LSP1: variants seen among roughly 807,000 people sequenced by gnomAD.
LSP1 encodes lymphocyte-specific protein 1.
A neutral mutation model predicts 49.3 loss-of-function variants in LSP1; 32 were observed. That is an observed-to-expected ratio of 0.65 (90% confidence interval 0.49 to 0.87). The LOEUF is 0.87. Ranked by LOEUF, LSP1 falls within the 40% of genes least tolerant of loss-of-function variation. The pLI is 0.00. For missense variants in LSP1, 428 were observed against 442.6 expected (o/e 0.97, Z 0.30); for synonymous variants, 179 against 178.8 (o/e 1.00, Z -0.01).
chr11:1,855,236 G>C (rs186922176), intron 1 of LSP1, among the ~76,000 whole-genome samples: 2 of 152,324 alleles, frequency 1.3e-5, no homozygotes, highest in East Asian at 3.9e-4. Context: ...TCCTGTCTAG[G>C]ATGGGACAGA....
intron 10 of LSP1, chr11:1,890,681 G>T: frequency 1.6e-6 from 1 of 630,720 alleles, no homozygotes; most frequent in South Asian, 1.8e-5. Context: ...GAGGACCTGG[G>T]GCCAGGGGTG....
chr11:1,881,646 G>A (rs1459137050), intron 3 of LSP1, 50 bp downstream of exon 3: 1 of 1,409,868 alleles, frequency 7.1e-7, no homozygotes, highest in Admixed American at 3.0e-5. Flanking sequence ...GGCTCCCTCT[G>A]GACCTCGAGG....
At chr11:1,880,339 C>T (rs1241566133) in intron 2 of LSP1, 115 bp downstream of exon 2, 74 of 1,257,672 alleles carry the variant, frequency 5.9e-5, no homozygotes, top group Non-Finnish European at 7.2e-5. Flanking sequence ...AGGATGAGAG[C>T]GAGGAAGGGC....
chr11:1,874,491 G>T (rs900026393), intron 1 of LSP1, among the ~76,000 whole-genome samples: 6 of 152,178 alleles, frequency 3.9e-5, no homozygotes, highest in African/African-American at 1.4e-4. Context: ...GGTGGGGTGG[G>T]CTCTGGACCC....
intron 1 of LSP1, among the ~76,000 whole-genome samples, chr11:1,871,929 G>T (rs1372720884): frequency 2.0e-3 from 165 of 82,078 alleles, no homozygotes; most frequent in African/African-American, 2.6e-3. Flanking sequence ...TGGGAGGGGG[G>T]GTGTGTGGCG....
At chr11:1,858,070 T>A (rs538576101) in intron 1 of LSP1, among the ~76,000 whole-genome samples, 1 of 152,348 alleles carries the variant, frequency 6.6e-6, no homozygotes, top group African/African-American at 2.4e-5. Flanking sequence ...CCAAGCTTTT[T>A]AAACCAAGGC....
intron 1 of LSP1, among the ~76,000 whole-genome samples, chr11:1,872,594 GCAGGCAGGCC>G (rs1848087694): frequency 7.1e-6 from 1 of 140,318 alleles, no homozygotes; most frequent in Admixed American, 6.9e-5. Flanking sequence ...GGTGTGTGTG[GCAGGCAGGCC>G]TGGGCTGCAG....
chr11:1,886,018 A>G (rs1214989142), intron 7 of LSP1, among the ~76,000 whole-genome samples: 1 of 151,140 alleles, frequency 6.6e-6, no homozygotes, highest in African/African-American at 2.4e-5. Context: ...TCCAACCAGT[A>G]CTCCTCCGTC....
In LSP1 at chr11:1,870,372, T is replaced by C. The variant is rs540120607; in HGVS notation, c.54-9715T>C. The C allele has an allele frequency of 1.2e-4, 154 of 1,257,702 alleles. 1 individual carries two copies. The African/African-American group carries it at 2.1e-3, about 17-fold the overall frequency. 77.9% of individuals were successfully genotyped at this position (1,257,702 alleles called of 1,614,324 possible). A position where few individuals can be genotyped will look rare whatever the true frequency, so the allele number is the denominator to read the frequency against. On this transcript the variant is annotated intron_variant, in intron 1 of 10. Transcript: ENST00000311604. ...ACCGGGGAGTCTCCTGGGAAAGAAG[T>C]GCCGGCCCAGGGGCAGACTCTTTTC...
intron 1 of LSP1, among the ~76,000 whole-genome samples, chr11:1,861,697 GGA>G (rs1847634762): frequency 5.4e-5 from 1 of 18,652 alleles, no homozygotes; most frequent in Non-Finnish European, 1.5e-4. Context: ...ATGGGTGGGT[GGA>G]TGGATGGATG....
Position 1,884,491 on chromosome 11 carries a change from A to G in LSP1, c.636-9A>G, listed in dbSNP as rs767769664. The G allele has an allele frequency of 3.1e-6, 5 of 1,612,382 alleles. No homozygotes were observed. The highest frequency in any genetic ancestry group is 1.7e-5 in the Admixed American group (1 of 59,958). ...AGACATGGGGCCTGACACATCTTCT[A>G]CCCTCCAGTAACAGTGTGAAGAAAT... On this transcript the variant is annotated splice_polypyrimidine_tract_variant and intron_variant, in intron 6 of 10. Coordinates refer to ENST00000311604, the MANE Select transcript of LSP1 (RefSeq NM_002339.3). This position sits in a 1 kb window ranked among gnomAD's most constrained non-coding sequence, Gnocchi z 4.1.
chr11:1,864,149 G>A, intron 1 of LSP1: 3 of 984,738 alleles, frequency 3.0e-6, no homozygotes, highest in Non-Finnish European at 3.6e-6. Flanking sequence ...AGGGAAAGGA[G>A]AGAGGAGAGA....
chr11:1,869,271 A>AG (rs946889178), intron 1 of LSP1: 6 of 231,602 alleles, frequency 2.6e-5, no homozygotes, highest in Non-Finnish European at 5.3e-5. Flanking sequence ...GGATGCTGGG[A>AG]GGGGGGCAAC....
intron 1 of LSP1, among the ~76,000 whole-genome samples, chr11:1,860,295 T>TGATG (rs55925827): frequency 4.0e-5 from 6 of 150,970 alleles, no homozygotes; most frequent in Admixed American, 1.3e-4. Context: ...GATAATTGAA[T>TGATG]GATGGATGGA....
In LSP1 at chr11:1,889,072, C is replaced by T. The variant is rs1022095106; in HGVS notation, c.*13+1496C>T. ...TGCATCTTCATGCAGCAACTATGGG[C>T]CCCCAGCTAGAGCCTCAGCCCCTTC... On this transcript the variant is annotated intron_variant, in intron 10 of 10. Transcript: ENST00000311604. 18 of 580,188 alleles carry T rather than the reference C, an allele frequency of 3.1e-5. No individual in the cohort carries two copies. In the East Asian group the frequency reaches 4.9e-4, roughly 16 times the overall value. The allele number at this position is 580,188 out of a possible 1,614,324, so 35.9% of individuals were successfully genotyped here.
intron 7 of LSP1, among the ~76,000 whole-genome samples, chr11:1,885,386 AATCCAACCAATACACCTTC>A (rs1211257280): frequency 2.5e-4 from 38 of 151,842 alleles, no homozygotes; most frequent in Non-Finnish European, 8.8e-5. Context: ...AACTCCCTTC[AATCCAACCAATACACCTTC>A]ATCCAATCAA....
chr11:1,865,087 G>A (rs1847742740), intron 1 of LSP1: 1 of 489,318 alleles, frequency 2.0e-6, no homozygotes, highest in Non-Finnish European at 2.7e-6. Context: ...AGGGGGGCAG[G>A]GGTGCGGGAG....
intron 1 of LSP1, among the ~76,000 whole-genome samples, chr11:1,858,059 GC>G (rs1847533708): frequency 1.3e-5 from 2 of 152,192 alleles, no homozygotes; most frequent in Non-Finnish European, 2.9e-5. Context: ...CCCTGCCTTT[GC>G]CAAGCTTTTT....
At chr11:1,855,832 C>T (rs1847474954) in intron 1 of LSP1, among the ~76,000 whole-genome samples, 1 of 152,216 alleles carries the variant, frequency 6.6e-6, no homozygotes, top group African/African-American at 2.4e-5. Context: ...GATGCCTGCC[C>T]TCTATAGCCC....
Sources: allele counts gnomAD v4.1 joint callset (sites outside exome capture counted in the v4.1 genomes callset), GRCh38; gene constraint gnomAD v4.1.1; non-coding constraint Gnocchi (gnomAD v3.1); transcripts MANE v1.5; gene names NCBI Gene and HGNC (gene_info 2026-07-23, HGNC 2026-07-21).